Variants in PKHD1 observed in about 807,000 individuals in gnomAD.
PKHD1 encodes PKHD1 ciliary IPT domain containing fibrocystin/polyductin, also known as fibrocystin.
A neutral mutation model predicts 412.0 loss-of-function variants in PKHD1; 291 were observed. The observed-to-expected ratio is 0.71, with a 90% confidence interval of 0.64 to 0.78. The LOEUF (loss-of-function observed/expected upper bound fraction) is 0.78, where lower values mean the gene tolerates loss of function less well. Ranked by LOEUF, PKHD1 falls within the 30% of genes least tolerant of loss-of-function variation. PKHD1 has a pLI of 0.00. For synonymous variants in PKHD1, 1,777 were observed against 1,821.5 expected (o/e 0.98, Z 0.62); for missense variants, 4,825 against 4,950.7 (o/e 0.97, Z 0.76).
Position 51,747,867 on chromosome 6 carries a change from G to A in PKHD1, c.9749C>T (p.Ser3250Leu). 6.2e-7 allele frequency: 1 copy of A among 1,613,760 alleles called. No homozygotes were observed. Among genetic ancestry groups the A allele is most frequent in the Non-Finnish European group, 8.5e-7 (1 of 1,179,714 alleles). The change falls in exon 58 of 67, where the codon TCA becomes TTA. Residue 3250 changes from serine (S) to leucine (L), a missense_variant. Ser to Leu is a moderately radical substitution (Grantham distance 145). Transcript: ENST00000371117. The part of the protein sequence containing the change: ...RIGILWPVFT[S>L]EPNQWPQEPW... The stretch of plus-strand genomic sequence containing the variant: ...CTCCTGAGGCCACTGATTTGGTTCT[G>A]AGGTGAATACAGGCCACAGAATACC...
At chr6:51,845,731 A>T (rs912967760) in intron 50 of PKHD1, among the ~76,000 whole-genome samples, 2 of 152,208 alleles carry the variant, frequency 1.3e-5, no homozygotes, top group Non-Finnish European at 2.9e-5. Context: ...TTTATACCAT[A>T]TGTGTATATA....
At chr6:51,664,598 T>C (rs1773413925) in intron 60 of PKHD1, among the ~76,000 whole-genome samples, 4 of 152,168 alleles carry the variant, frequency 2.6e-5, no homozygotes. Context: ...GTGCATGCAG[T>C]AAGATTTTGT....
chr6:51,881,287 C>G (rs761202046), intron 46 of PKHD1, among the ~76,000 whole-genome samples: 3 of 151,956 alleles, frequency 2.0e-5, no homozygotes, highest in African/African-American at 7.3e-5. Flanking sequence ...ACAGGGTACA[C>G]ATAGGTTATA....
intron 35 of PKHD1, among the ~76,000 whole-genome samples, chr6:51,971,948 T>A (rs2127994060): frequency 6.6e-6 from 1 of 152,106 alleles, no homozygotes; most frequent in South Asian, 2.1e-4. Context: ...CCCTGGCTGG[T>A]CCCAAGCTCC....
intron 37 of PKHD1, among the ~76,000 whole-genome samples, chr6:51,920,377 A>G (rs1315499573): frequency 6.6e-6 from 1 of 152,162 alleles, no homozygotes; most frequent in Non-Finnish European, 1.5e-5. Flanking sequence ...GCATCTATTG[A>G]GATAATCATG....
chr6:51,767,385 G>A (rs558920354), intron 55 of PKHD1, among the ~76,000 whole-genome samples: 27 of 151,808 alleles, frequency 1.8e-4, no homozygotes, highest in Middle Eastern at 6.8e-3. Flanking sequence ...TGTGCACAAC[G>A]TGCAGGTTTG....
chr6:51,719,527 A>G (rs1781660461), intron 60 of PKHD1, among the ~76,000 whole-genome samples: 1 of 152,112 alleles, frequency 6.6e-6, no homozygotes, highest in Non-Finnish European at 1.5e-5. Flanking sequence ...AAATGTCATC[A>G]AATACTGCCA....
chr6:51,639,575 T>C (rs185744603), intron 63 of PKHD1, among the ~76,000 whole-genome samples: 7 of 151,176 alleles, frequency 4.6e-5, no homozygotes, highest in Admixed American at 3.3e-4. Context: ...CTTCCCTAAC[T>C]AAAATGAAAA....
chr6:51,959,966 T>G lies in PKHD1; in HGVS notation c.5812A>C (p.Arg1938=), dbSNP rs2127947177. The G allele has an allele frequency of 1.2e-6, 2 of 1,613,506 alleles. No homozygotes were observed. Among genetic ancestry groups the G allele is most frequent in the East Asian group, 2.2e-5 (1 of 44,866 alleles). ...ACGTTGTCGCCATCTTGTGGCAGCC[T>G]TTCAGGAAACCAGCTGTGAGTCCTG... The part of the protein sequence containing the change: ...WSRTHSWFPE[R]LPQDGDNVTV... Residue 1938 remains arginine, a synonymous_variant, in exon 36 of 67, where the codon AGG becomes CGG. Coordinates refer to ENST00000371117, the MANE Select transcript of PKHD1 (RefSeq NM_138694.4).
At chr6:52,015,383 G>A (rs1343426760) in intron 34 of PKHD1, among the ~76,000 whole-genome samples, 6 of 152,116 alleles carry the variant, frequency 3.9e-5, no homozygotes, top group Admixed American at 6.5e-5. Context: ...AAGGTTATTC[G>A]TGAATCGGCA....
chr6:51,890,330 A>C (rs1778906550), intron 43 of PKHD1, among the ~76,000 whole-genome samples: 1 of 152,146 alleles, frequency 6.6e-6, no homozygotes, highest in Non-Finnish European at 1.5e-5. Context: ...GGTGCAAGTG[A>C]AGAAACATAA....
intron 36 of PKHD1, among the ~76,000 whole-genome samples, chr6:51,951,629 T>C (rs1460468193): frequency 6.6e-6 from 1 of 152,182 alleles, no homozygotes; most frequent in East Asian, 1.9e-4. Flanking sequence ...ATTTTAAAAA[T>C]GAGAATACAG....
At chr6:51,922,964 C>G (rs1029429000) in intron 37 of PKHD1, among the ~76,000 whole-genome samples, 2 of 152,176 alleles carry the variant, frequency 1.3e-5, no homozygotes, top group African/African-American at 4.8e-5. Flanking sequence ...CCAACAAGTC[C>G]CATTGAGATG....
At chr6:51,997,484 G>T (rs753693557) in intron 35 of PKHD1, among the ~76,000 whole-genome samples, 4 of 152,152 alleles carry the variant, frequency 2.6e-5, no homozygotes, top group Non-Finnish European at 5.9e-5. Context: ...CATAAGTTTG[G>T]AAGCTATCTA....
At chr6:51,638,245 T>C (rs1414507) in intron 64 of PKHD1, among the ~76,000 whole-genome samples, 6,508 of 152,288 alleles carry the variant, frequency 0.043, 234 homozygotes, top group African/African-American at 0.093. Context: ...ATCTCCCAAA[T>C]GCTCTTTTAA....
intron 36 of PKHD1, among the ~76,000 whole-genome samples, chr6:51,949,460 A>G (rs1789982840): frequency 6.6e-6 from 1 of 152,100 alleles, no homozygotes; most frequent in East Asian, 1.9e-4. Context: ...AAGGTGAGGA[A>G]GAGGAGGAAA....
intron 35 of PKHD1, among the ~76,000 whole-genome samples, chr6:51,962,559 T>C (rs568825536): frequency 6.6e-6 from 1 of 152,210 alleles, no homozygotes; most frequent in Admixed American, 6.6e-5. Context: ...GGTGGAAAGG[T>C]CAAATACTGT....
chr6:51,697,602 G>C (rs936296314), intron 60 of PKHD1, among the ~76,000 whole-genome samples: 8 of 152,224 alleles, frequency 5.3e-5, no homozygotes, highest in African/African-American at 1.7e-4. Flanking sequence ...CGTGTCCCCA[G>C]TTGTGGCAAC....
intron 64 of PKHD1, among the ~76,000 whole-genome samples, chr6:51,638,061 T>C (rs1768816394): frequency 6.6e-6 from 1 of 152,248 alleles, no homozygotes; most frequent in African/African-American, 2.4e-5. Flanking sequence ...TTATTATTTA[T>C]TTATTAGGAC....
Sources: gnomAD v4.1 joint callset for allele counts (sites outside exome capture counted in the v4.1 genomes callset) on GRCh38, gnomAD v4.1.1 for gene constraint, MANE v1.5 for transcripts, NCBI Gene and HGNC (gene_info 2026-07-23, HGNC 2026-07-21) for gene names.